Variants in CSF1R observed in about 807,000 individuals in gnomAD.
CSF1R encodes the protein colony stimulating factor 1 receptor.
A neutral mutation model predicts 110.0 loss-of-function variants in CSF1R; 40 were observed. The observed-to-expected ratio is 0.36, with a 90% CI of 0.28 to 0.47. The LOEUF is 0.47. Among genes scored for constraint, CSF1R ranks in the 20% least tolerant of loss-of-function variants. The pLI, the probability that CSF1R is intolerant of heterozygous loss-of-function variation, is 0.99. For synonymous variants in CSF1R, 523 were observed against 503.4 expected (o/e 1.04, Z -0.52); for missense variants, 1,052 against 1,253.0 (o/e 0.84, Z 2.42).
At chr5:150,085,220 G>A (rs1744849829) in intron 1 of CSF1R, among the ~76,000 whole-genome samples, 1 of 144,794 alleles carries the variant, frequency 6.9e-6, no homozygotes, top group African/African-American at 2.7e-5. Flanking sequence ...AGGTTGCAGT[G>A]AGCCGAGATT....
intron 1 of CSF1R, among the ~76,000 whole-genome samples, chr5:150,103,578 A>G (rs11743220): frequency 0.65 from 99,573 of 152,158 alleles, 32,921 homozygotes; most frequent in Middle Eastern, 0.73. Context: ...CACATTTGGA[A>G]GCAAGCCCCT....
At chr5:150,072,890 C>T (rs1581310901) in intron 6 of CSF1R, among the ~76,000 whole-genome samples, 1 of 152,136 alleles carries the variant, frequency 6.6e-6, no homozygotes, top group South Asian at 2.1e-4. Context: ...CCCCTCCCTC[C>T]AAGCTTTTGT....
chr5:150,058,452 T>G (rs1364593037), intron 14 of CSF1R, among the ~76,000 whole-genome samples: 1 of 152,214 alleles, frequency 6.6e-6, no homozygotes, highest in East Asian at 1.9e-4. Flanking sequence ...CGAAAAAACC[T>G]TCCGCTCCCT....
rs566971245 is a variant in CSF1R at position 150,076,879 on chromosome 5, G to A, written c.889+397C>T. 7.0e-5 allele frequency: 18 copies of A among 255,642 alleles called. 1 individual carries two copies. Among genetic ancestry groups the A allele is most frequent in the South Asian group, 2.4e-4 (5 of 20,880 alleles). 15.8% of individuals were successfully genotyped at this position (255,642 alleles called of 1,614,324 possible). A position where few individuals can be genotyped will look rare whatever the true frequency, so the allele number is the denominator to read the frequency against. On this transcript the variant is annotated intron_variant, in intron 5 of 20. Transcript: ENST00000675795. Reference sequence around the variant, plus strand: ...ACCTTCTCGAAGCCTGGGTTGGGGGGACTCTTCAGTGTTCCCAGGACACCT... The same window carrying A: ...ACCTTCTCGAAGCCTGGGTTGGGGGAACTCTTCAGTGTTCCCAGGACACCT...
At chr5:150,094,600 G>C in intron 1 of CSF1R, 1 of 1,571,456 alleles carries the variant, frequency 6.4e-7, no homozygotes, top group African/African-American at 1.3e-5. Flanking sequence ...GGTATCAATG[G>C]AGTGAGCCCA....
intron 1 of CSF1R, chr5:150,094,365 C>T (rs1016287234): frequency 9.4e-6 from 15 of 1,599,560 alleles, no homozygotes; most frequent in Non-Finnish European, 1.2e-5. Context: ...TAAGAAAAAG[C>T]GAAGGAATTT....
At chr5:150,090,138 T>C (rs1156352207), upstream of CSF1R, among the ~76,000 whole-genome samples, 1 of 152,128 alleles carries the variant, frequency 6.6e-6, no homozygotes, top group African/African-American at 2.4e-5. Context: ...TCAGATATGT[T>C]TCTAAAAGCA....
rs557791226 is a variant in CSF1R, at chr5:150,060,755, G to A, written c.1969+107C>T. The A allele has an allele frequency of 1.2e-5, 8 of 675,676 alleles. No homozygotes were observed. The South Asian group carries it at 1.4e-4, about 12-fold the overall frequency. 41.9% of individuals were successfully genotyped at this position (675,676 alleles called of 1,614,324 possible). On this transcript the variant is annotated intron_variant, in intron 13 of 20. Coordinates refer to ENST00000675795, the MANE Select transcript of CSF1R (RefSeq NM_001288705.3). Reference sequence around the variant, plus strand: ...TGTGACCGGGATCCCCCTGACACTTGGAGCAGTAGGATCCTGAGAAGGAGA... The same window carrying A: ...TGTGACCGGGATCCCCCTGACACTTAGAGCAGTAGGATCCTGAGAAGGAGA...
rs763751327 is a variant in CSF1R at position 150,068,356 on chromosome 5, A to C, written c.1511-26T>G. 4 of 1,587,128 alleles carry C rather than the reference A, an allele frequency of 2.5e-6. No individual in the cohort carries two copies. In the African/African-American group the frequency reaches 5.4e-5, roughly 21 times the overall value. On this transcript the variant is annotated intron_variant, in intron 9 of 20. Transcript: ENST00000675795. The stretch of plus-strand genomic sequence containing the variant: ...CTGGAAGGCATGAAGCAAAGCAGTG[A>C]GCAGGCAGGGGTGCCTCCGAGCCCC...
At position 150,086,504 on chromosome 5, in the gene CSF1R, G is replaced by A. The variant is rs1324434256; in HGVS notation, c.-77C>T. On this transcript the variant is annotated 5_prime_UTR_variant, in exon 1 of 21. Transcript: ENST00000675795. ...CACAGAGCTCTCAGCTACTAGCTCC[G>A]CAGGGATCGGGACACTGGACACACG... 21 of 1,413,160 alleles carry A rather than the reference G, an allele frequency of 1.5e-5. No individual in the cohort carries two copies. The highest frequency in any genetic ancestry group is 1.9e-5 in the Non-Finnish European group (19 of 1,016,302). 87.5% of individuals were successfully genotyped at this position (1,413,160 alleles called of 1,614,324 possible).
intron 16 of CSF1R, among the ~76,000 whole-genome samples, chr5:150,057,035 A>T (rs6885913): frequency 0.062 from 9,402 of 152,144 alleles, 410 homozygotes; most frequent in Middle Eastern, 0.11. Context: ...TTTAGTAAAA[A>T]CGAATGAAGA....
At chr5:150,082,740 G>A (rs908961138) in intron 1 of CSF1R, among the ~76,000 whole-genome samples, 1 of 152,202 alleles carries the variant, frequency 6.6e-6, no homozygotes, top group Admixed American at 6.5e-5. Context: ...CTATTCTTCT[G>A]TCTGATGGGA....
Position 150,059,791 on chromosome 5 carries a change from C to T in CSF1R, c.2041G>A (p.Ala681Thr). The change falls in exon 14 of 21, where the codon GCC becomes ACC. Residue 681 changes from alanine to threonine, a missense_variant. Coordinates refer to ENST00000675795, the MANE Select transcript of CSF1R (RefSeq NM_001288705.3). ...GGGCTCAGGCTGGGTCCCAGCATGG[C>T]CTCAGCCTTCCTTCGCAGAAAGTTG... is the stretch of plus-strand genomic sequence containing the variant. ...LLNFLRRKAE[A>T]MLGPSLSPGQ... The T allele has an allele frequency of 1.2e-6, 2 of 1,614,220 alleles. No individual in the cohort carries two copies. The highest frequency in any genetic ancestry group is 2.2e-5 in the South Asian group (2 of 91,082).
intron 3 of CSF1R, 152 bp downstream of exon 3, chr5:150,079,900 G>T: frequency 1.0e-6 from 1 of 970,770 alleles, no homozygotes; most frequent in Non-Finnish European, 1.5e-6. Flanking sequence ...CTGCCCCATA[G>T]ATGATCGTGG....
Position 150,056,748 on chromosome 5 carries a change from C to T in CSF1R, c.2320-407G>A, listed in dbSNP as rs767046627. 2.4e-4 allele frequency among the ~76,000 whole-genome samples: 37 copies of T among 152,234 alleles called. 1 individual carries two copies. The highest frequency in any genetic ancestry group is 4.6e-4 in the Admixed American group (7 of 15,294). On this transcript the variant is annotated intron_variant, in intron 16 of 20. Transcript: ENST00000675795. ...TTGAACCCTTTTTCTTTTCAACAAT[C>T]GTTATGCCCATTTTTATAGGTGTAG...
intron 10 of CSF1R, among the ~76,000 whole-genome samples, chr5:150,063,160 A>G (rs924126587): frequency 8.5e-5 from 13 of 152,156 alleles, no homozygotes; most frequent in African/African-American, 3.1e-4. Flanking sequence ...CGGGACTACA[A>G]GCATGTGGCA....
chr5:150,069,118 G>A (rs1031167592), intron 9 of CSF1R, among the ~76,000 whole-genome samples: 8 of 152,184 alleles, frequency 5.3e-5, no homozygotes, highest in Non-Finnish European at 7.3e-5. Flanking sequence ...GGCCCAGCGC[G>A]GCCGCAGGCT....
chr5:150,084,997 G>A (rs1458622743), intron 1 of CSF1R, among the ~76,000 whole-genome samples: 1 of 152,084 alleles, frequency 6.6e-6, no homozygotes, highest in African/African-American at 2.4e-5. Context: ...AAGAAGTCCA[G>A]GCCGGGCGCC....
chr5:150,086,452 A>T lies in CSF1R; in HGVS notation c.-25T>A, dbSNP rs375640786. The T allele has an allele frequency of 1.8e-3, 2,911 of 1,602,236 alleles. 65 individuals carry two copies. The South Asian group carries it at 0.031, about 17-fold the overall frequency. ...TGGCCTCGGTGGGGAAGTGGCAGGC[A>T]GGTGCAGGGCTGCAAGGTGCCCAGG... On this transcript the variant is annotated 5_prime_UTR_variant, in exon 1 of 21. Transcript: ENST00000675795.
Sources: gnomAD v4.1 joint callset for allele counts (sites outside exome capture counted in the v4.1 genomes callset) on GRCh38, gnomAD v4.1.1 for gene constraint, MANE v1.5 for transcripts, NCBI Gene and HGNC (gene_info 2026-07-23, HGNC 2026-07-21) for gene names.